PCLO: variants seen among roughly 807,000 people sequenced by gnomAD.
PCLO encodes piccolo presynaptic cytomatrix protein, also known as protein piccolo.
A neutral mutation model predicts 427.5 loss-of-function variants in PCLO; 82 were observed. The observed-to-expected ratio is 0.19, with a 90% CI of 0.16 to 0.23. The LOEUF (loss-of-function observed/expected upper bound fraction) is 0.23. PCLO is among the 10% of genes least tolerant of loss of function. The probability of loss-of-function intolerance (pLI) is 1.00; values close to 1 mark genes in which losing one functional copy is unlikely to be tolerated. For missense variants in PCLO, 6,239 were observed against 6,115.9 expected (o/e 1.02, Z -0.67); for synonymous variants, 2,357 against 2,155.4 (o/e 1.09, Z -2.59).
chr7:83,119,367 C>G (rs1024136992), intron 3 of PCLO, among the ~76,000 whole-genome samples: 1 of 152,088 alleles, frequency 6.6e-6, no homozygotes, highest in African/African-American at 2.4e-5. Flanking sequence ...GAACAAGAGA[C>G]TCTGACTGGT....
chr7:83,061,389 A>T (rs946082923), intron 3 of PCLO, among the ~76,000 whole-genome samples: 13 of 152,132 alleles, frequency 8.5e-5, no homozygotes, highest in African/African-American at 3.1e-4. Flanking sequence ...GGTCTACCTG[A>T]TTAGGTTTGG....
At chr7:83,087,678 A>G (rs1329902952) in intron 3 of PCLO, among the ~76,000 whole-genome samples, 1 of 152,116 alleles carries the variant, frequency 6.6e-6, no homozygotes, top group Non-Finnish European at 1.5e-5. Context: ...TATTTTAAAT[A>G]TAAAATTCCA....
In PCLO at chr7:82,824,472, A is replaced by G. The variant is rs1791884500; in HGVS notation, c.14416-56T>C. 2.6e-6 allele frequency: 3 copies of G among 1,136,272 alleles called. No homozygotes were observed. The South Asian group carries it at 4.8e-5, about 18-fold the overall frequency. 70.4% of individuals were successfully genotyped at this position (1,136,272 alleles called of 1,614,324 possible). A position where few individuals can be genotyped will look rare whatever the true frequency, so the allele number is the denominator to read the frequency against. ...TTAGGGACTAAAGTATAATTGATTC[A>G]TTACTTTTTCTATGTTCTAAAATTT... On this transcript the variant is annotated intron_variant, in intron 18 of 24. Coordinates refer to ENST00000333891, the MANE Select transcript of PCLO (RefSeq NM_033026.6).
intron 13 of PCLO, among the ~76,000 whole-genome samples, chr7:82,844,367 C>A (rs1053251801): frequency 6.6e-6 from 1 of 152,118 alleles, no homozygotes; most frequent in Non-Finnish European, 1.5e-5. Flanking sequence ...TATTTAGTTT[C>A]AAACAAATCA....
intron 3 of PCLO, among the ~76,000 whole-genome samples, chr7:83,065,736 A>C (rs929608773): frequency 2.0e-5 from 3 of 152,104 alleles, no homozygotes; most frequent in Non-Finnish European, 2.9e-5. Context: ...AAAAATAAAA[A>C]ACAGGAAAGC....
At chr7:82,841,334 C>A in intron 14 of PCLO, 125 bp downstream of exon 14, 1 of 658,322 alleles carries the variant, frequency 1.5e-6, no homozygotes, top group Non-Finnish European at 2.7e-6. Flanking sequence ...TGCATTTTTC[C>A]TTTACAGTTC....
At chr7:82,905,188 T>C (rs558640892) in intron 8 of PCLO, among the ~76,000 whole-genome samples, 1 of 152,166 alleles carries the variant, frequency 6.6e-6, no homozygotes, top group South Asian at 2.1e-4. Context: ...GATTCCTCAT[T>C]GATAGAATTA....
intron 11 of PCLO, among the ~76,000 whole-genome samples, chr7:82,846,908 G>A (rs1792516934): frequency 6.6e-6 from 1 of 152,028 alleles, no homozygotes; most frequent in African/African-American, 2.4e-5. Context: ...AATGGGTTCA[G>A]GCTTTCATTT....
At chr7:83,072,558 G>C (rs986214224) in intron 3 of PCLO, among the ~76,000 whole-genome samples, 1 of 152,008 alleles carries the variant, frequency 6.6e-6, no homozygotes. Flanking sequence ...AAGAGATAAT[G>C]ATTCCAGTCT....
rs531913836 is a variant in PCLO at position 82,918,664 on chromosome 7, C to T, written c.11113-1791G>A. Among the ~76,000 whole-genome samples the T allele has an allele frequency of 7.5e-4, 114 of 152,056 alleles. No individual in the cohort carries two copies. The Middle Eastern group carries it at 0.014, about 18-fold the overall frequency. On this transcript the variant is annotated intron_variant, in intron 6 of 24. Transcript: ENST00000333891. The stretch of plus-strand genomic sequence containing the variant: ...TCAACAGGAGGCTGAAAACTACATA[C>T]TATTTGTTTTTTCTTAACATGTATG...
At chr7:82,916,961 G>A in intron 6 of PCLO, 88 bp from the exon 7 acceptor site, 2 of 906,066 alleles carry the variant, frequency 2.2e-6, no homozygotes, top group South Asian at 2.3e-5. Context: ...TAATAAAAAT[G>A]ATTTCATGTA....
chr7:82,852,432 A>G (rs1005257357), intron 10 of PCLO, among the ~76,000 whole-genome samples: 1 of 152,168 alleles, frequency 6.6e-6, no homozygotes, highest in Non-Finnish European at 1.5e-5. Context: ...AGCTGGAAAG[A>G]GCCGACCTGC....
At chr7:83,151,683 G>A (rs2116673111) in intron 2 of PCLO, among the ~76,000 whole-genome samples, 1 of 152,224 alleles carries the variant, frequency 6.6e-6, no homozygotes, top group South Asian at 2.1e-4. Flanking sequence ...CTTTCATGAA[G>A]ATAGCTGTAA....
chr7:82,755,518 T>A lies in PCLO; in HGVS notation c.*3057A>T, dbSNP rs927703080. On this transcript the variant is annotated 3_prime_UTR_variant, in exon 25 of 25. Coordinates refer to ENST00000333891, the MANE Select transcript of PCLO (RefSeq NM_033026.6). ...GCCGAAAGTTTCTTTAGGACCAAAT[T>A]TGAAACCAAGAAGCAACATCAGTCT... 1.3e-5 allele frequency: 2 copies of A among 152,078 alleles called. No homozygotes were observed. 9.4% of individuals were successfully genotyped at this position (152,078 alleles called of 1,614,324 possible). A position where few individuals can be genotyped will look rare whatever the true frequency, so the allele number is the denominator to read the frequency against.
intron 8 of PCLO, 52 bp from the exon 9 acceptor site, chr7:82,902,793 T>C: frequency 2.3e-6 from 2 of 851,562 alleles, no homozygotes; most frequent in South Asian, 1.4e-5. Context: ...ACACTTAAAG[T>C]GCAATATACA....
chr7:83,074,527 G>A (rs1222369073), intron 3 of PCLO, among the ~76,000 whole-genome samples: 1 of 152,056 alleles, frequency 6.6e-6, no homozygotes, highest in Non-Finnish European at 1.5e-5. Flanking sequence ...AAAGAACAGT[G>A]TCTACTGATC....
chr7:82,889,127 C>A (rs888520665), intron 9 of PCLO, among the ~76,000 whole-genome samples: 1 of 152,042 alleles, frequency 6.6e-6, no homozygotes, highest in Non-Finnish European at 1.5e-5. Context: ...TACTAAAAAC[C>A]CAGCCTTGCA....
chr7:82,781,538 C>A (rs565178359), intron 22 of PCLO, among the ~76,000 whole-genome samples: 1 of 146,820 alleles, frequency 6.8e-6, no homozygotes, highest in Admixed American at 7.0e-5. Context: ...TCTGCTAATG[C>A]ATGTAATTAC....
At chr7:83,080,099 A>G (rs533990908) in intron 3 of PCLO, among the ~76,000 whole-genome samples, 18 of 152,124 alleles carry the variant, frequency 1.2e-4, no homozygotes, top group Non-Finnish European at 2.4e-4. Context: ...TATGTAACAC[A>G]TTTTCTTAAT....
Sources: gnomAD v4.1 joint callset for allele counts (sites outside exome capture counted in the v4.1 genomes callset) on GRCh38, gnomAD v4.1.1 for gene constraint, MANE v1.5 for transcripts, NCBI Gene and HGNC (gene_info 2026-07-23, HGNC 2026-07-21) for gene names.